SUMF1: variants seen among roughly 807,000 people sequenced by gnomAD.
SUMF1 encodes formylglycine-generating enzyme.
SUMF1 carries 48 observed loss-of-function variants against 47.6 expected under a neutral mutation model. The ratio of observed to expected loss-of-function variants is 1.01; its 90% CI spans 0.80 to 1.28. SUMF1 has a LOEUF of 1.28. SUMF1 is among the 50% of genes most tolerant of loss of function. The pLI, the probability that SUMF1 is intolerant of heterozygous loss-of-function variation, is 0.00. For missense variants in SUMF1, 571 were observed against 485.4 expected (o/e 1.18, Z -1.66); for synonymous variants, 230 against 192.1 (o/e 1.20, Z -1.63).
At chr3:4,466,918 C>T (rs1330873502) in intron 1 of SUMF1, 58 bp downstream of exon 1, 40 of 1,583,464 alleles carry the variant, frequency 2.5e-5, no homozygotes, top group Non-Finnish European at 3.4e-5. Context: ...TTTGCCTACT[C>T]CAACCCCGTC....
chr3:4,467,031 C>G lies in SUMF1; in HGVS notation c.215G>C (p.Arg72Pro). The change falls in exon 1 of 9, where the codon CGG becomes CCG. Residue 72 changes from arginine (R) to proline (P), a missense_variant. Physicochemically the swap from Arg to Pro is moderately radical, Grantham distance 103 (BLOSUM62 -2). Transcript: ENST00000272902. The stretch of plus-strand genomic sequence containing the variant: ...TACGGGGCCCGGAGCGTTAGCCTCC[C>G]GCGAGTATCGGTGAGCGGCTGCCGA... ...GSSAAAHRYS[R>P]EANAPGPVPG... is the part of the protein sequence containing the mutation. 6.3e-7 allele frequency: 1 copy of G among 1,582,988 alleles called. No individual in the cohort carries two copies. Among genetic ancestry groups the G allele is most frequent in the African/African-American group, 1.3e-5 (1 of 74,336 alleles).
chr3:4,412,655 G>C (rs1701581284), intron 6 of SUMF1, among the ~76,000 whole-genome samples: 1 of 152,128 alleles, frequency 6.6e-6, no homozygotes, highest in African/African-American at 2.4e-5. Flanking sequence ...AGGCCAAGGT[G>C]AGCAGATCAC....
chr3:4,216,232 C>A (rs1559576424), intron 8 of SUMF1, among the ~76,000 whole-genome samples: 1 of 152,002 alleles, frequency 6.6e-6, no homozygotes, highest in Non-Finnish European at 1.5e-5. Context: ...TCAGAAATAA[C>A]ACCACACATC....
rs767526524 is a variant in SUMF1, at chr3:4,410,990, G to C, written c.841-12C>G. 41 of 1,608,048 alleles carry C rather than the reference G, an allele frequency of 2.5e-5. 1 individual carries two copies. Among genetic ancestry groups the C allele is most frequent in the South Asian group, 2.2e-4 (20 of 90,976 alleles). On this transcript the variant is annotated splice_polypyrimidine_tract_variant and intron_variant, in intron 6 of 8. Coordinates refer to ENST00000272902, the MANE Select transcript of SUMF1 (RefSeq NM_182760.4). ...GGGAAGGCATCAACCTAAAAACAAAGACAGGAAAAATGCTGTCAAACTATT... is the reference window on the plus strand; with the variant it reads ...GGGAAGGCATCAACCTAAAAACAAACACAGGAAAAATGCTGTCAAACTATT...
intron 7 of SUMF1, among the ~76,000 whole-genome samples, chr3:4,401,540 T>G (rs2124974487): frequency 6.6e-6 from 1 of 152,266 alleles, no homozygotes; most frequent in Admixed American, 6.5e-5. Flanking sequence ...GGATTTACTG[T>G]ACCCGTGGGA....
intron 8 of SUMF1, among the ~76,000 whole-genome samples, chr3:4,285,204 T>C (rs959166785): frequency 2.0e-5 from 3 of 152,212 alleles, no homozygotes; most frequent in African/African-American, 7.2e-5. Flanking sequence ...AAATAACTTA[T>C]GCTTAAAGTA....
chr3:4,148,494 G>T (rs2587915), intron 8 of SUMF1, among the ~76,000 whole-genome samples: 2 of 151,906 alleles, frequency 1.3e-5, no homozygotes. Flanking sequence ...ATGTGCAAGT[G>T]GTTATTTTCT....
intron 1 of SUMF1, among the ~76,000 whole-genome samples, chr3:4,454,437 G>T (rs1427426637): frequency 6.6e-6 from 1 of 152,216 alleles, no homozygotes; most frequent in South Asian, 2.1e-4. Flanking sequence ...AACAACAAGT[G>T]CTGATGAGGA....
chr3:4,047,820 T>C (rs1385393432), intron 9 of SUMF1, among the ~76,000 whole-genome samples: 1 of 152,134 alleles, frequency 6.6e-6, no homozygotes, highest in Non-Finnish European at 1.5e-5. Context: ...CCAGAGACTA[T>C]CCCTTCTCTG....
rs139728235 is a variant in SUMF1 at position 4,167,265 on chromosome 3, G to T, written c.1015-98520C>A. On this transcript the variant is annotated intron_variant and NMD_transcript_variant, in intron 8 of 12. Transcript: ENST00000448413. ...CACAGCATGGAAGGGGACCCAGGTG[G>T]GTTGCTGCTGCTGGCTGGGGTGGCC... 9.5e-3 allele frequency among the ~76,000 whole-genome samples: 1,439 copies of T among 151,848 alleles called. 26 individuals carry two copies. Among genetic ancestry groups the T allele is most frequent in the African/African-American group, 0.033 (1,380 of 41,506 alleles).
At chr3:4,390,334 C>A (rs1405685960) in intron 7 of SUMF1, among the ~76,000 whole-genome samples, 1 of 152,186 alleles carries the variant, frequency 6.6e-6, no homozygotes, top group East Asian at 1.9e-4. Flanking sequence ...CCTTCTCTGG[C>A]ACCTAAATAC....
At chr3:4,364,902 C>T (rs1208053879) in intron 8 of SUMF1, among the ~76,000 whole-genome samples, 2 of 150,196 alleles carry the variant, frequency 1.3e-5, no homozygotes, top group Non-Finnish European at 3.0e-5. Context: ...TTGAATGTGT[C>T]CCAGAGATTC....
At chr3:4,125,284 G>A (rs1255934351) in intron 8 of SUMF1, among the ~76,000 whole-genome samples, 7 of 152,128 alleles carry the variant, frequency 4.6e-5, no homozygotes, top group East Asian at 1.9e-4. Context: ...ACATGTTACC[G>A]GTTATTACTG....
At chr3:4,086,583 G>C (rs552729874) in intron 8 of SUMF1, among the ~76,000 whole-genome samples, 1 of 152,138 alleles carries the variant, frequency 6.6e-6, no homozygotes, top group African/African-American at 2.4e-5. Flanking sequence ...TTATCTTACA[G>C]GGATGAAGAT....
intron 8 of SUMF1, among the ~76,000 whole-genome samples, chr3:4,363,490 G>A (rs1575133782): frequency 6.6e-6 from 1 of 151,514 alleles, no homozygotes; most frequent in Non-Finnish European, 1.5e-5. Flanking sequence ...AAGTAATTGT[G>A]AATGGGAGTT....
At chr3:4,368,550 C>G (rs1023022306) in intron 8 of SUMF1, among the ~76,000 whole-genome samples, 3 of 152,008 alleles carry the variant, frequency 2.0e-5, no homozygotes, top group Non-Finnish European at 4.4e-5. Context: ...ATGTTTATTG[C>G]GGCACTACTC....
intron 2 of SUMF1, among the ~76,000 whole-genome samples, chr3:4,451,044 C>T (rs916456717): frequency 8.7e-5 from 13 of 150,212 alleles, no homozygotes; most frequent in Admixed American, 8.0e-4. Context: ...GCTTAAGAAC[C>T]CCCTTCTCAG....
intron 8 of SUMF1, among the ~76,000 whole-genome samples, chr3:4,135,813 C>A (rs1403286458): frequency 6.6e-6 from 1 of 152,172 alleles, no homozygotes; most frequent in African/African-American, 2.4e-5. Context: ...AAATCACAAG[C>A]ATTCTTATAT....
At chr3:4,326,651 C>T (rs990177391) in intron 8 of SUMF1, among the ~76,000 whole-genome samples, 31 of 151,616 alleles carry the variant, frequency 2.0e-4, no homozygotes, top group African/African-American at 7.3e-4. Context: ...CTGAGTAGCT[C>T]GGACTACAGA....
Sources: allele counts gnomAD v4.1 joint callset (sites outside exome capture counted in the v4.1 genomes callset), GRCh38; gene constraint gnomAD v4.1.1; transcripts MANE v1.5; gene names NCBI Gene and HGNC (gene_info 2026-07-23, HGNC 2026-07-21).